PLOD2: variants seen among roughly 807,000 people sequenced by gnomAD.
PLOD2 encodes procollagen-lysine,2-oxoglutarate 5-dioxygenase 2.
PLOD2 carries 65 observed loss-of-function variants against 101.0 expected under a neutral mutation model. The observed-to-expected ratio is 0.64, with a 90% CI of 0.53 to 0.79. The LOEUF (loss-of-function observed/expected upper bound fraction) is 0.79. PLOD2 is among the 30% of genes least tolerant of loss of function. PLOD2 has a pLI of 0.00. For missense variants in PLOD2, 909 were observed against 914.6 expected (o/e 0.99, Z 0.08); for synonymous variants, 314 against 302.9 (o/e 1.04, Z -0.38).
chr3:146,146,955 G>A (rs1002429058), intron 1 of PLOD2, among the ~76,000 whole-genome samples: 12 of 152,136 alleles, frequency 7.9e-5, no homozygotes, highest in Non-Finnish European at 1.6e-4. Context: ...TGTGACTAGG[G>A]CAAGCCATGG....
intron 1 of PLOD2, among the ~76,000 whole-genome samples, chr3:146,148,392 CA>C (rs891977099): frequency 4.1e-5 from 6 of 144,872 alleles, no homozygotes; most frequent in African/African-American, 1.5e-4. Flanking sequence ...ATGAAACAAA[CA>C]AAAAAAGACA....
intron 7 of PLOD2, among the ~76,000 whole-genome samples, chr3:146,097,803 A>AAAAT (rs1553733434): frequency 7.0e-6 from 1 of 142,106 alleles, no homozygotes; most frequent in Middle Eastern, 3.6e-3. Context: ...AATAAAAAAA[A>AAAAT]AATAATAATA....
At chr3:146,139,499 C>A (rs1021434103) in intron 1 of PLOD2, among the ~76,000 whole-genome samples, 1 of 152,110 alleles carries the variant, frequency 6.6e-6, no homozygotes, top group Non-Finnish European at 1.5e-5. Context: ...AATGCTCACC[C>A]CGGTAGCGTT....
chr3:146,138,413 G>A (rs1245959087), intron 1 of PLOD2, among the ~76,000 whole-genome samples: 2 of 152,026 alleles, frequency 1.3e-5, no homozygotes, highest in Non-Finnish European at 2.9e-5. Flanking sequence ...ATAGAGTGTC[G>A]CAGGGAGTCT....
chr3:146,149,400 C>G (rs943941457), intron 1 of PLOD2, among the ~76,000 whole-genome samples: 1 of 151,864 alleles, frequency 6.6e-6, no homozygotes, highest in South Asian at 2.1e-4. Context: ...AAGTTTGTGT[C>G]TATGGTTCAA....
chr3:146,074,753 T>A (rs1016151465), intron 15 of PLOD2, among the ~76,000 whole-genome samples: 1 of 151,542 alleles, frequency 6.6e-6, no homozygotes, highest in African/African-American at 2.4e-5. Flanking sequence ...GGCATTAGTA[T>A]TCACATTTCA....
Position 146,155,322 on chromosome 3 carries a change from T to TATAAATAA in PLOD2, c.109+5551_109+5558dup, listed in dbSNP as rs112631509. On this transcript the variant is annotated intron_variant, in intron 1 of 19. Transcript: ENST00000282903. ...CTGACCTACAGAGTGAGACCCTGTCTATAAATAAATTAATTAATTAATTAA... is the reference window on the plus strand; with the variant it reads ...CTGACCTACAGAGTGAGACCCTGTCTATAAATAAATAAATAAATTAATTAATTAATTAA... 4.8e-3 allele frequency among the ~76,000 whole-genome samples: 690 copies of TATAAATAA among 143,820 alleles called. 4 individuals carry two copies. The highest frequency in any genetic ancestry group is 0.017 in the African/African-American group (650 of 38,776). The allele number at this position is 143,820 out of a possible 152,430, so 94.4% of individuals were successfully genotyped here.
chr3:146,076,935 G>T, intron 14 of PLOD2, 40 bp from the exon 15 acceptor site: 1 of 1,401,366 alleles, frequency 7.1e-7, no homozygotes. Context: ...TTAGAGGTAG[G>T]TACAAAAGTA....
chr3:146,119,023 C>T (rs908082215), intron 3 of PLOD2, among the ~76,000 whole-genome samples: 2 of 152,100 alleles, frequency 1.3e-5, no homozygotes, highest in South Asian at 2.1e-4. Context: ...TTTGAATCTA[C>T]GTCCCCACCC....
At chr3:146,096,884 G>GGGGAGC (rs1553733076) in intron 7 of PLOD2, among the ~76,000 whole-genome samples, 2 of 100,712 alleles carry the variant, frequency 2.0e-5, no homozygotes, top group Non-Finnish European at 4.5e-5. Flanking sequence ...GGGAGGTGGG[G>GGGGAGC]GGGGGGAGTC....
intron 13 of PLOD2, among the ~76,000 whole-genome samples, chr3:146,078,516 T>A (rs1403672934): frequency 6.6e-6 from 1 of 151,854 alleles, no homozygotes; most frequent in East Asian, 1.9e-4. Context: ...TTTTGAAAAA[T>A]TATTTTCTAG....
intron 1 of PLOD2, among the ~76,000 whole-genome samples, chr3:146,156,108 G>A (rs73148992): frequency 0.089 from 13,571 of 152,242 alleles, 768 homozygotes; most frequent in South Asian, 0.14. Context: ...TTCAAGTGCT[G>A]TGTTTAAAAA....
At position 146,124,205 on chromosome 3, in the gene PLOD2, G is replaced by T. The variant is rs2030398552; in HGVS notation, c.134C>A (p.Ala45Glu). The change falls in exon 2 of 20, where the codon GCA (alanine) becomes GAA (glutamate). Residue 45 changes from alanine to glutamate, a missense_variant. Physicochemically the swap from Ala to Glu is moderately radical, Grantham distance 107. Coordinates refer to ENST00000282903, the MANE Select transcript of PLOD2 (RefSeq NM_182943.3). Reference protein sequence around the residue: ...PTDKLLVITVATKESDGFHRF... With the variant: ...PTDKLLVITVETKESDGFHRF... Reference sequence around the variant, plus strand: ...ATGGAATCCATCACTTTCTTTTGTTGCTACAGTTATGACTAATAATTTATC... The same window carrying T: ...ATGGAATCCATCACTTTCTTTTGTTTCTACAGTTATGACTAATAATTTATC... 6.3e-7 allele frequency: 1 copy of T among 1,589,254 alleles called. No homozygotes were observed. Among genetic ancestry groups the T allele is most frequent in the Non-Finnish European group, 8.6e-7 (1 of 1,158,318 alleles).
intron 10 of PLOD2, chr3:146,086,574 G>A (rs970621827): frequency 3.6e-5 from 11 of 305,622 alleles, no homozygotes; most frequent in African/African-American, 1.5e-4. Context: ...ATGTGGACTC[G>A]TAGCCATTAA....
chr3:146,159,616 T>C (rs1314511812), intron 1 of PLOD2, among the ~76,000 whole-genome samples: 2 of 152,264 alleles, frequency 1.3e-5, no homozygotes, highest in African/African-American at 4.8e-5. Context: ...GTATTTACTT[T>C]CTACTTTCCA....
At chr3:146,104,637 AT>A (rs1461872037) in intron 5 of PLOD2, among the ~76,000 whole-genome samples, 4 of 152,168 alleles carry the variant, frequency 2.6e-5, no homozygotes, top group African/African-American at 9.7e-5. Context: ...TTTATTAAAT[AT>A]CAACTTATAT....
chr3:146,079,346 T>C (rs757567814), intron 12 of PLOD2, 89 bp from the exon 13 acceptor site: 11 of 969,480 alleles, frequency 1.1e-5, no homozygotes, highest in Non-Finnish European at 1.7e-5. Context: ...ATGCTTTGTG[T>C]TTAGATTTTG....
intron 5 of PLOD2, 42 bp downstream of exon 5, chr3:146,106,487 AAAC>A (rs1937536332): frequency 1.1e-6 from 1 of 898,972 alleles, no homozygotes; most frequent in East Asian, 2.4e-5. Context: ...ATAACACACA[AAAC>A]AACCAAATCA....
At chr3:146,140,009 G>A (rs938852773) in intron 1 of PLOD2, among the ~76,000 whole-genome samples, 1 of 151,996 alleles carries the variant, frequency 6.6e-6, no homozygotes, top group Non-Finnish European at 1.5e-5. Context: ...ACATAGCAAG[G>A]CATTAATTAG....
Sources: gnomAD v4.1 joint callset for allele counts (sites outside exome capture counted in the v4.1 genomes callset) on GRCh38, gnomAD v4.1.1 for gene constraint, MANE v1.5 for transcripts, NCBI Gene and HGNC (gene_info 2026-07-23, HGNC 2026-07-21) for gene names.